Variants in ERBIN observed in about 807,000 individuals in gnomAD.
ERBIN encodes erbb2 interacting protein.
In ERBIN, 60 loss-of-function variants were observed where a neutral mutation model predicts 158.4. The ratio of observed to expected loss-of-function variants is 0.38; its 90% CI spans 0.31 to 0.47. The LOEUF (loss-of-function observed/expected upper bound fraction) is 0.47, where lower values mean the gene tolerates loss of function less well. Among genes scored for constraint, ERBIN ranks in the 20% least tolerant of loss-of-function variants. The pLI is 0.99. For missense variants in ERBIN, 1,610 were observed against 1,648.0 expected, an observed-to-expected ratio of 0.98 and a Z score of 0.40; for synonymous variants, 594 against 557.2, an observed-to-expected ratio of 1.07 and a Z score of -0.93.
intron 2 of ERBIN, among the ~76,000 whole-genome samples, chr5:65,990,786 A>G: frequency 6.6e-6 from 1 of 151,104 alleles, no homozygotes; most frequent in Non-Finnish European, 1.5e-5. Context: ...TTTGAGACGG[A>G]GTCTCGCTGT....
Position 66,013,624 on chromosome 5 carries a change from A to C in ERBIN, c.462A>C (p.Pro154=), listed in dbSNP as rs1219312011. 3 of 1,612,578 alleles carry C rather than the reference A, an allele frequency of 1.9e-6. No homozygotes were observed. The Admixed American group carries it at 5.0e-5, about 27-fold the overall frequency. ...ATGATGCTTTTCTTGAGTTCTTGCC[A>C]GCAAATTTTGGCAGGTAAATTATGG... ...YLNDAFLEFL[P]ANFGRLTKLQ... Residue 154 remains proline (P), a synonymous_variant, in exon 6 of 26, where the codon CCA becomes CCC. Transcript: ENST00000284037.
chr5:65,949,431 A>C (rs1271330509), intron 1 of ERBIN, among the ~76,000 whole-genome samples: 1 of 152,118 alleles, frequency 6.6e-6, no homozygotes, highest in Admixed American at 6.6e-5. Flanking sequence ...CAAGCAAAAA[A>C]CCCCACTTTC....
chr5:65,930,706 T>C (rs562667582), intron 1 of ERBIN, among the ~76,000 whole-genome samples: 3 of 152,358 alleles, frequency 2.0e-5, no homozygotes, highest in East Asian at 1.9e-4. Context: ...TTTATTCTTA[T>C]GTATTAAGAC....
chr5:65,963,355 A>G (rs1214658303), intron 1 of ERBIN, among the ~76,000 whole-genome samples: 2 of 152,206 alleles, frequency 1.3e-5, no homozygotes, highest in Admixed American at 6.5e-5. Context: ...CACTCTGTCA[A>G]CTATATCTAG....
Position 66,053,851 on chromosome 5 carries a change from G to A in ERBIN, c.2533G>A (p.Val845Ile), listed in dbSNP as rs971082479. 17 of 1,614,096 alleles carry A rather than the reference G, an allele frequency of 1.1e-5. No homozygotes were observed. Among genetic ancestry groups the A allele is most frequent in the Non-Finnish European group, 1.4e-5 (16 of 1,180,010 alleles). ...TGAACCACATGACAGTGATTGTTCTGTTGACTTAGGTATTTCCAAAAGCAC... is the reference window on the plus strand; with the variant it reads ...TGAACCACATGACAGTGATTGTTCTATTGACTTAGGTATTTCCAAAAGCAC... ...RTEPHDSDCS[V>I]DLGISKSTED... Residue 845 changes from valine to isoleucine, a missense_variant, in exon 21 of 26, where the codon GTT (valine) becomes ATT (isoleucine). Physicochemically the swap from Val to Ile is conservative, Grantham distance 29. Coordinates refer to ENST00000284037, the MANE Select transcript of ERBIN (RefSeq NM_001253697.2).
At chr5:66,025,442 T>C in intron 10 of ERBIN, 38 bp from the exon 11 acceptor site, 1 of 1,510,766 alleles carries the variant, frequency 6.6e-7, no homozygotes, top group Non-Finnish European at 9.2e-7. Flanking sequence ...GCTTCTATTT[T>C]AAGCTGAAAA....
chr5:65,973,016 T>C (rs1034131480), intron 1 of ERBIN, among the ~76,000 whole-genome samples: 9 of 151,466 alleles, frequency 5.9e-5, no homozygotes, highest in African/African-American at 1.7e-4. Flanking sequence ...AATAAACTTA[T>C]AAAGAAATTC....
intron 1 of ERBIN, among the ~76,000 whole-genome samples, chr5:65,964,441 A>G (rs1048484615): frequency 6.6e-6 from 1 of 152,354 alleles, no homozygotes; most frequent in Admixed American, 6.5e-5. Context: ...TTTGGGGCAG[A>G]ATCCTGCTGG....
At chr5:66,070,789 T>C (rs934307637) in intron 21 of ERBIN, among the ~76,000 whole-genome samples, 2 of 152,202 alleles carry the variant, frequency 1.3e-5, no homozygotes, top group African/African-American at 4.8e-5. Context: ...GATAGATGTG[T>C]TGCGGATATA....
chr5:66,049,112 G>A (rs1031398898), intron 19 of ERBIN, among the ~76,000 whole-genome samples: 4 of 152,056 alleles, frequency 2.6e-5, no homozygotes, highest in Non-Finnish European at 4.4e-5. Flanking sequence ...ATACAATGAG[G>A]CTAATGAAGG....
At chr5:65,976,083 A>T (rs1452984578) in intron 1 of ERBIN, among the ~76,000 whole-genome samples, 1 of 152,206 alleles carries the variant, frequency 6.6e-6, no homozygotes, top group Non-Finnish European at 1.5e-5. Context: ...TCTGGCATAG[A>T]CATAAACATG....
intron 1 of ERBIN, among the ~76,000 whole-genome samples, chr5:65,940,943 C>T (rs1484293738): frequency 2.9e-4 from 44 of 151,478 alleles, no homozygotes; most frequent in African/African-American, 9.7e-4. Context: ...GAGGTAGACA[C>T]GGGAGACTTT....
At chr5:66,010,615 C>T (rs1343087574) in intron 4 of ERBIN, among the ~76,000 whole-genome samples, 1 of 151,508 alleles carries the variant, frequency 6.6e-6, no homozygotes, top group African/African-American at 2.4e-5. Context: ...TTTTTCATCA[C>T]CTGACATTCT....
chr5:65,971,516 C>A (rs1382164846), intron 1 of ERBIN, among the ~76,000 whole-genome samples: 1 of 151,964 alleles, frequency 6.6e-6, no homozygotes, highest in Non-Finnish European at 1.5e-5. Flanking sequence ...GTAACCAAAA[C>A]CAGTAAAAAT....
chr5:65,959,344 T>C (rs754732702), intron 1 of ERBIN, among the ~76,000 whole-genome samples: 10 of 152,222 alleles, frequency 6.6e-5, no homozygotes, highest in Non-Finnish European at 1.0e-4. Context: ...ATGGAGGCCA[T>C]CTTATTGATT....
intron 1 of ERBIN, among the ~76,000 whole-genome samples, chr5:65,973,131 AC>A (rs1749449156): frequency 6.6e-6 from 1 of 151,030 alleles, no homozygotes; most frequent in African/African-American, 2.5e-5. Context: ...GAAGCTGGAA[AC>A]CAACATTCTC....
intron 1 of ERBIN, among the ~76,000 whole-genome samples, chr5:65,972,105 T>C (rs1239358954): frequency 6.6e-6 from 1 of 152,106 alleles, no homozygotes; most frequent in Non-Finnish European, 1.5e-5. Context: ...GGGGGGCTAT[T>C]CCAAGGGGGT....
chr5:66,066,363 T>C (rs1267105671), intron 21 of ERBIN, among the ~76,000 whole-genome samples: 1 of 152,062 alleles, frequency 6.6e-6, no homozygotes, highest in African/African-American at 2.4e-5. Flanking sequence ...AATTTTACCC[T>C]GGGGGCTTTC....
intron 1 of ERBIN, among the ~76,000 whole-genome samples, chr5:65,987,120 A>G (rs1390703138): frequency 6.6e-6 from 1 of 152,158 alleles, no homozygotes; most frequent in Admixed American, 6.5e-5. Context: ...CTTCACCCCC[A>G]AAGCAGACTT....
Sources: allele counts gnomAD v4.1 joint callset (sites outside exome capture counted in the v4.1 genomes callset), GRCh38; gene constraint gnomAD v4.1.1; transcripts MANE v1.5; gene names NCBI Gene and HGNC (gene_info 2026-07-23, HGNC 2026-07-21).